The following TMCO4 variants were observed in gnomAD, a reference collection of about 807,000 sequenced individuals.
TMCO4 encodes the protein transmembrane and coiled-coil domains 4, also known as transmembrane and coiled-coil domain-containing protein 4.
In TMCO4, 58 loss-of-function variants were observed where a neutral mutation model predicts 64.7. That is an observed-to-expected ratio of 0.90 (90% CI 0.73 to 1.12). The LOEUF (loss-of-function observed/expected upper bound fraction) is 1.12, where lower values mean the gene tolerates loss of function less well. Among genes scored for constraint, TMCO4 ranks in the 50% most tolerant of loss-of-function variants. The pLI, the probability that TMCO4 is intolerant of heterozygous loss-of-function variation, is 0.00. For synonymous variants in TMCO4, 325 were observed against 346.1 expected, an observed-to-expected ratio of 0.94 and a Z score of 0.68; for missense variants, 780 against 825.9, an observed-to-expected ratio of 0.94 and a Z score of 0.68.
At chr1:19,712,033 GC>G (rs1283857104) in intron 13 of TMCO4, among the ~76,000 whole-genome samples, 1 of 152,196 alleles carries the variant, frequency 6.6e-6, no homozygotes, top group African/African-American at 2.4e-5. Flanking sequence ...CTTGGCTCAA[GC>G]AATCCTCCCA....
intron 13 of TMCO4, among the ~76,000 whole-genome samples, chr1:19,720,116 T>C (rs2100733711): frequency 6.8e-6 from 1 of 147,780 alleles, no homozygotes; most frequent in African/African-American, 2.5e-5. Context: ...CCCAAGGCAC[T>C]GGGATTACAG....
At position 19,732,932 on chromosome 1, in the gene TMCO4, G is replaced by A. The variant is rs555765202; in HGVS notation, c.1264+4440C>T. 3.3e-5 allele frequency among the ~76,000 whole-genome samples: 5 copies of A among 151,482 alleles called. No individual in the cohort carries two copies. The highest frequency in any genetic ancestry group is 1.9e-4 in the East Asian group (1 of 5,144). ...AGGTTTTCTTTTTTTCTTTCTTCTC[G>A]TTTTTCTTTTTTGCTGACTACCTAC... is the stretch of plus-strand genomic sequence containing the variant. On this transcript the variant is annotated intron_variant, in intron 13 of 15. Coordinates refer to ENST00000294543, the MANE Select transcript of TMCO4 (RefSeq NM_181719.7). This position sits in a 1 kb window ranked among gnomAD's most constrained non-coding sequence, Gnocchi z 4.8.
chr1:19,796,268 C>T (rs1246737734), intron 2 of TMCO4, among the ~76,000 whole-genome samples: 2 of 152,160 alleles, frequency 1.3e-5, no homozygotes, highest in African/African-American at 4.8e-5. Context: ...CCTCAAACCC[C>T]AAGTCCTTCT....
chr1:19,729,513 C>G (rs1301328681), intron 13 of TMCO4, among the ~76,000 whole-genome samples: 1 of 151,590 alleles, frequency 6.6e-6, no homozygotes, highest in African/African-American at 2.4e-5. Flanking sequence ...CACCTGTAAT[C>G]CCAGCACTTT....
intron 14 of TMCO4, among the ~76,000 whole-genome samples, chr1:19,699,979 A>G (rs3934192): frequency 0.53 from 80,157 of 151,958 alleles, 23,124 homozygotes; most frequent in Non-Finnish European, 0.66. Context: ...CTCAGAACCC[A>G]GGCCTGTGTG....
chr1:19,721,104 CTGT>C lies in TMCO4; in HGVS notation c.1264+16265_1264+16267del, dbSNP rs566332996. 2.4e-4 allele frequency among the ~76,000 whole-genome samples: 36 copies of C among 152,250 alleles called. 1 individual carries two copies. In the South Asian group the frequency reaches 7.0e-3, roughly 30 times the overall value. ...TTTGCTGCAGAGGGTCTGGATTCTT[CTGT>C]TGTTGTTATGGACTGAGACTCACGC... On this transcript the variant is annotated intron_variant, in intron 13 of 15. Coordinates refer to ENST00000294543, the MANE Select transcript of TMCO4 (RefSeq NM_181719.7).
rs996244614 is a variant in TMCO4 at position 19,682,982 on chromosome 1, G to A, written c.*58C>T. On this transcript the variant is annotated 3_prime_UTR_variant, in exon 16 of 16. Transcript: ENST00000294543. ...CAGAGCTCCTGGGAGGAACCCGAGG[G>A]TATAAGAGAGAGCTGCATATGGAGA... 3.3e-6 allele frequency: 5 copies of A among 1,522,340 alleles called. No individual in the cohort carries two copies. The highest frequency in any genetic ancestry group is 4.4e-6 in the Non-Finnish European group (5 of 1,137,704). The allele number at this position is 1,522,340 out of a possible 1,614,324, so 94.3% of individuals were successfully genotyped here.
intron 13 of TMCO4, 99 bp downstream of exon 13, chr1:19,737,273 G>A (rs950511894): frequency 8.6e-7 from 1 of 1,168,444 alleles, no homozygotes; most frequent in South Asian, 1.5e-5. Context: ...TAAGAACTGG[G>A]AACACATTTT....
At chr1:19,712,064 TG>T (rs1420625840) in intron 13 of TMCO4, among the ~76,000 whole-genome samples, 1 of 152,198 alleles carries the variant, frequency 6.6e-6, no homozygotes, top group East Asian at 1.9e-4. Flanking sequence ...CCCAAAGCGC[TG>T]GGATTACAGG....
intron 7 of TMCO4, among the ~76,000 whole-genome samples, chr1:19,753,875 T>A (rs957574731): frequency 7.9e-5 from 12 of 152,168 alleles, no homozygotes; most frequent in African/African-American, 2.9e-4. Context: ...ACATATAGAC[T>A]ACAATAGGGT....
chr1:19,736,685 A>G (rs918932814), intron 13 of TMCO4, among the ~76,000 whole-genome samples: 5 of 152,188 alleles, frequency 3.3e-5, no homozygotes, highest in African/African-American at 1.2e-4. Flanking sequence ...CAAGGCCAGG[A>G]GCAGCAGCCC....
chr1:19,751,945 G>A (rs1431426613), intron 7 of TMCO4, among the ~76,000 whole-genome samples: 1 of 152,042 alleles, frequency 6.6e-6, no homozygotes, highest in African/African-American at 2.4e-5. Flanking sequence ...CTACTTGGGA[G>A]GCTGAGGCAG....
chr1:19,685,021 C>G (rs2095135081), intron 15 of TMCO4, among the ~76,000 whole-genome samples: 1 of 152,094 alleles, frequency 6.6e-6, no homozygotes, highest in Admixed American at 6.6e-5. Context: ...CAGAATCAAC[C>G]CTAGTGTATT....
chr1:19,725,101 C>T (rs1570770180), intron 13 of TMCO4, among the ~76,000 whole-genome samples: 1 of 152,244 alleles, frequency 6.6e-6, no homozygotes, highest in East Asian at 1.9e-4. Flanking sequence ...ATCTTGAAGA[C>T]ACTAGGAAAA....
At chr1:19,791,494 C>T (rs764053585) in intron 2 of TMCO4, among the ~76,000 whole-genome samples, 17 of 152,156 alleles carry the variant, frequency 1.1e-4, no homozygotes, top group Non-Finnish European at 2.1e-4. Context: ...TCCAGCTGCA[C>T]AAGCATGGGG....
intron 4 of TMCO4, 102 bp from the exon 5 acceptor site, chr1:19,771,584 G>T: frequency 8.4e-7 from 1 of 1,185,142 alleles, no homozygotes; most frequent in Non-Finnish European, 1.2e-6. Flanking sequence ...GCTGGCACGT[G>T]CCTGACTTAC....
At chr1:19,736,581 C>G (rs988092020) in intron 13 of TMCO4, among the ~76,000 whole-genome samples, 1 of 152,134 alleles carries the variant, frequency 6.6e-6, no homozygotes, top group Non-Finnish European at 1.5e-5. Flanking sequence ...GCCCCAGGCT[C>G]GGCAACTCAC....
chr1:19,733,879 C>T (rs1234564038), intron 13 of TMCO4, among the ~76,000 whole-genome samples: 1 of 151,894 alleles, frequency 6.6e-6, no homozygotes, highest in East Asian at 1.9e-4. Context: ...GTGATTCAGG[C>T]AAATCCCTAC....
intron 13 of TMCO4, among the ~76,000 whole-genome samples, chr1:19,709,537 AT>A (rs1178448911): frequency 6.6e-6 from 1 of 152,148 alleles, no homozygotes. Flanking sequence ...CCCAGACATA[AT>A]TTTCAGCCAA....
Sources: allele counts gnomAD v4.1 joint callset (sites outside exome capture counted in the v4.1 genomes callset), GRCh38; gene constraint gnomAD v4.1.1; non-coding constraint Gnocchi (gnomAD v3.1); transcripts MANE v1.5; gene names NCBI Gene and HGNC (gene_info 2026-07-23, HGNC 2026-07-21).